The following ARHGEF40 variants were observed in gnomAD, a reference collection of about 807,000 sequenced individuals.
The protein encoded by ARHGEF40 is Rho guanine nucleotide exchange factor 40.
ARHGEF40 carries 98 observed loss-of-function variants against 165.9 expected under a neutral mutation model. The observed-to-expected ratio is 0.59, with a 90% CI of 0.50 to 0.70. The LOEUF is 0.70. Ranked by LOEUF, ARHGEF40 falls within the 30% of genes least tolerant of loss-of-function variation. The probability of loss-of-function intolerance (pLI) is 0.00; values close to 1 mark genes in which losing one functional copy is unlikely to be tolerated. For synonymous variants in ARHGEF40, 792 were observed against 814.3 expected (o/e 0.97, Z 0.47); for missense variants, 1,815 against 1,968.0 (o/e 0.92, Z 1.47).
Position 21,087,304 on chromosome 14 carries a change from T to C in ARHGEF40, c.4244-16T>C. ...CCCACACCAGCACCCCACCCCCCAC[T>C]CCCCACTCTCTGCAGCCGCCCGCAC... On this transcript the variant is annotated splice_polypyrimidine_tract_variant and intron_variant, in intron 20 of 23. Transcript: ENST00000298694. The C allele has an allele frequency of 6.8e-7, 1 of 1,472,122 alleles. No homozygotes were observed. Among genetic ancestry groups the C allele is most frequent in the Admixed American group, 1.7e-5 (1 of 58,622 alleles). The allele number at this position is 1,472,122 out of a possible 1,614,324, so 91.2% of individuals were successfully genotyped here. A position where few individuals can be genotyped will look rare whatever the true frequency, so the allele number is the denominator to read the frequency against.
Position 21,075,193 on chromosome 14 carries a change from G to T in ARHGEF40, c.1450+13G>T. 6.3e-7 allele frequency: 1 copy of T among 1,585,758 alleles called. No homozygotes were observed. Among genetic ancestry groups the T allele is most frequent in the Non-Finnish European group, 8.6e-7 (1 of 1,166,918 alleles). On this transcript the variant is annotated intron_variant, in intron 3 of 23. Coordinates refer to ENST00000298694, the MANE Select transcript of ARHGEF40 (RefSeq NM_018071.5). This position sits in a 1 kb window ranked among gnomAD's most constrained non-coding sequence, Gnocchi z 4.5. ...CTGTGTATGGCAGGTGAGATGACAC[G>T]GAGTGAGGCTCATGGGGCAAGGGCC...
At chr14:21,071,960 A>G (rs1026810869) in intron 1 of ARHGEF40, among the ~76,000 whole-genome samples, 2 of 152,240 alleles carry the variant, frequency 1.3e-5, no homozygotes, top group African/African-American at 2.4e-5. Context: ...TCAGAGAAAA[A>G]TAAGCTATTT....
intron 19 of ARHGEF40, 54 bp downstream of exon 19, chr14:21,085,920 G>C (rs574622370): frequency 1.3e-6 from 2 of 1,593,572 alleles, no homozygotes; most frequent in East Asian, 4.5e-5. Flanking sequence ...ATAGCAGGAA[G>C]TTTTCTGGAG....
chr14:21,081,835 C>T lies in ARHGEF40; in HGVS notation c.2967C>T (p.Leu989=), dbSNP rs764314937. The T allele has an allele frequency of 1.2e-6, 2 of 1,610,370 alleles. No homozygotes were observed. The highest frequency in any genetic ancestry group is 2.2e-5 in the East Asian group (1 of 44,800). ...GGCCCCGCAGCCCCTCGCCCAGCCTCAGCTCCTTGCTGCTCCCCAGCAGCC... is the reference window on the plus strand; with the variant it reads ...GGCCCCGCAGCCCCTCGCCCAGCCTTAGCTCCTTGCTGCTCCCCAGCAGCC... ...QWGPRSPSPS[L]SSLLLPSSPG... is the part of the protein sequence containing the mutation. Residue 989 remains leucine, a synonymous_variant, in exon 14 of 24, where the codon CTC becomes CTT. Transcript: ENST00000298694.
upstream of ARHGEF40, among the ~76,000 whole-genome samples, chr14:21,065,364 G>A (rs1886209208): frequency 6.6e-6 from 1 of 152,052 alleles, no homozygotes; most frequent in South Asian, 2.1e-4. Context: ...AACCATTCCT[G>A]TTCTCTGGAG....
At chr14:21,082,569 C>G in intron 15 of ARHGEF40, 91 bp downstream of exon 15, 1 of 1,370,234 alleles carries the variant, frequency 7.3e-7, no homozygotes, top group Non-Finnish European at 9.7e-7. Context: ...CCACGGCCCT[C>G]TCCTCCCATG....
the ARHGEF40 span, among the ~76,000 whole-genome samples, chr14:21,062,903 C>T: frequency 8.0e-5 from 12 of 149,544 alleles, no homozygotes; most frequent in African/African-American, 3.0e-4. Flanking sequence ...CAATAGAGCC[C>T]GGGTGTTCAA....
At chr14:21,067,526 G>T (rs1327220618), upstream of ARHGEF40, among the ~76,000 whole-genome samples, 1 of 152,110 alleles carries the variant, frequency 6.6e-6, no homozygotes, top group Non-Finnish European at 1.5e-5. Context: ...CATTTACTGT[G>T]TAGCTTAGAG....
At position 21,070,955 on chromosome 14, in the gene ARHGEF40, C is replaced by G; in HGVS notation, c.3+556C>G. The G allele has an allele frequency of 2.4e-6, 3 of 1,244,836 alleles. No homozygotes were observed. The highest frequency in any genetic ancestry group is 3.4e-6 in the Non-Finnish European group (3 of 886,036). 77.1% of individuals were successfully genotyped at this position (1,244,836 alleles called of 1,614,324 possible). A position where few individuals can be genotyped will look rare whatever the true frequency, so the allele number is the denominator to read the frequency against. On this transcript the variant is annotated intron_variant, in intron 1 of 23. Transcript: ENST00000298694. The surrounding 1 kb of genome is among the most constrained non-coding windows in gnomAD (Gnocchi z 4.7). Reference sequence around the variant, plus strand: ...CGGGGCATGGCCAAAGAGGGAAATTCCCGCAGAGAAAAAGAGCTGCCTCAG... The same window carrying G: ...CGGGGCATGGCCAAAGAGGGAAATTGCCGCAGAGAAAAAGAGCTGCCTCAG...
intron 1 of ARHGEF40, among the ~76,000 whole-genome samples, chr14:21,071,745 C>G (rs1336925537): frequency 6.6e-6 from 1 of 152,222 alleles, no homozygotes; most frequent in East Asian, 1.9e-4. Flanking sequence ...CAGACGGCCC[C>G]ACTCTGCCTC....
Position 21,088,288 on chromosome 14 carries a change from A to G in ARHGEF40, c.4518+190A>G, listed in dbSNP as rs369941900. ...CCCCGGGACCTGGCTAAGAGGCATC[A>G]AGGTCATAGGTTAAAAGGAATCTTA... On this transcript the variant is annotated intron_variant, in intron 22 of 23. Transcript: ENST00000298694. Among the ~76,000 whole-genome samples the G allele has an allele frequency of 6.8e-4, 103 of 152,244 alleles. 1 individual carries two copies. The highest frequency in any genetic ancestry group is 2.4e-3 in the African/African-American group (101 of 41,538).
intron 8 of ARHGEF40, among the ~76,000 whole-genome samples, chr14:21,077,842 A>AG (rs1033146906): frequency 1.2e-4 from 18 of 152,154 alleles, no homozygotes; most frequent in East Asian, 3.8e-4. Context: ...AGGCAGAGAG[A>AG]GGGGGTGTGA....
Position 21,075,106 on chromosome 14 carries a change from C to T in ARHGEF40, c.1376C>T (p.Ser459Phe). Residue 459 changes from serine (S) to phenylalanine (F), a missense_variant, in exon 3 of 24, where the codon TCT (serine) becomes TTT (phenylalanine). Ser to Phe is a radical substitution (Grantham distance 155, BLOSUM62 -2). Transcript: ENST00000298694. This position sits in a 1 kb window ranked among gnomAD's most constrained non-coding sequence, Gnocchi z 4.5. ...KTAGEKEPQLSEACGPTEEGA... is the reference protein window; with the variant it reads ...KTAGEKEPQLFEACGPTEEGA... ...GCAGGCGAGAAAGAGCCTCAGCTCT[C>T]TGAAGCCTGTGGGCCTACAGAAGAG... is the stretch of plus-strand genomic sequence containing the variant. The T allele has an allele frequency of 1.2e-6, 2 of 1,613,974 alleles. No individual in the cohort carries two copies. The highest frequency in any genetic ancestry group is 1.7e-6 in the Non-Finnish European group (2 of 1,180,018).
chr14:21,063,499 A>T, the ARHGEF40 span, among the ~76,000 whole-genome samples: 1 of 152,176 alleles, frequency 6.6e-6, no homozygotes, highest in Non-Finnish European at 1.5e-5. Context: ...CGTATGTTCA[A>T]CATGGGCAGA....
Position 21,074,222 on chromosome 14 carries a change from C to T in ARHGEF40, c.492C>T (p.Thr164=). ...ACCGGCCAACAGGTCGCCTCAGTAC[C>T]TGCCTACTGTCTGCGCCCTCTGGGA... ...NKDRPTGRLS[T]CLLSAPSGIQ... The change falls in exon 3 of 24, where the codon ACC becomes ACT. Residue 164 remains threonine (T), a synonymous_variant. Transcript: ENST00000298694. This position sits in a 1 kb window ranked among gnomAD's most constrained non-coding sequence, Gnocchi z 4.8. 6.2e-7 allele frequency: 1 copy of T among 1,614,186 alleles called. No individual in the cohort carries two copies.
At position 21,083,987 on chromosome 14, in the gene ARHGEF40, G is replaced by C. The variant is rs758824882; in HGVS notation, c.3726G>C (p.Leu1242=). ...ECRALGAAVQ[L]LREQEARGRD... ...GGGCCCTTGGGGCTGCTGTACAGCT[G>C]CTCCGGGAACAAGAGGCCCGTGGCA... Residue 1242 remains leucine (L), a synonymous_variant, in exon 17 of 24, where the codon CTG becomes CTC. Coordinates refer to ENST00000298694, the MANE Select transcript of ARHGEF40 (RefSeq NM_018071.5). 1 of 1,613,356 alleles carries C rather than the reference G, an allele frequency of 6.2e-7. No individual in the cohort carries two copies. Among genetic ancestry groups the C allele is most frequent in the Non-Finnish European group, 8.5e-7 (1 of 1,179,888 alleles).
At position 21,083,767 on chromosome 14, in the gene ARHGEF40, C is replaced by G. The variant is rs924497318; in HGVS notation, c.3574-68C>G. On this transcript the variant is annotated intron_variant, in intron 16 of 23. Transcript: ENST00000298694. ...GCCTAGGGTATCACCCACCTACCCC[C>G]CAACCCCTGAGCTTGGCCCCCAGAG... The G allele has an allele frequency of 1.3e-5, 19 of 1,479,836 alleles. No homozygotes were observed. The Admixed American group carries it at 2.5e-4, about 20-fold the overall frequency. The allele number at this position is 1,479,836 out of a possible 1,614,324, so 91.7% of individuals were successfully genotyped here.
At chr14:21,081,426 C>T (rs1887882366) in intron 13 of ARHGEF40, 83 bp from the exon 14 acceptor site, 1 of 1,550,430 alleles carries the variant, frequency 6.4e-7, no homozygotes, top group Admixed American at 1.8e-5. Flanking sequence ...GGCAAGAGGA[C>T]AAGGGCTGTC....
Position 21,076,369 on chromosome 14 carries a change from A to G in ARHGEF40, c.1749A>G (p.Leu583=). Residue 583 remains leucine (L), a synonymous_variant, in exon 6 of 24, where the codon CTA becomes CTG. Coordinates refer to ENST00000298694, the MANE Select transcript of ARHGEF40 (RefSeq NM_018071.5). ...CTTCCTGCTCCCGCAGGCCTGATCT[A>G]CAGACACTGGGGCTGTCCGTCCTGC... ...HYLHSLLRPD[L]QTLGLSVLLD... The G allele has an allele frequency of 6.2e-7, 1 of 1,613,348 alleles. No individual in the cohort carries two copies. The highest frequency in any genetic ancestry group is 8.5e-7 in the Non-Finnish European group (1 of 1,180,010).
Sources: allele counts gnomAD v4.1 joint callset (sites outside exome capture counted in the v4.1 genomes callset), GRCh38; gene constraint gnomAD v4.1.1; non-coding constraint Gnocchi (gnomAD v3.1); transcripts MANE v1.5; gene names NCBI Gene and HGNC (gene_info 2026-07-23, HGNC 2026-07-21).